DPP6: variants seen among roughly 807,000 people sequenced by gnomAD.
DPP6 encodes the protein A-type potassium channel modulatory protein DPP6.
A neutral mutation model predicts 122.6 loss-of-function variants in DPP6; 69 were observed. That is an observed-to-expected ratio of 0.56 (90% CI 0.46 to 0.69). DPP6 has a LOEUF of 0.69. DPP6 is among the 30% of genes least tolerant of loss of function. DPP6 has a pLI of 0.00. For synonymous variants in DPP6, 418 were observed against 433.1 expected, an observed-to-expected ratio of 0.97 and a Z score of 0.43; for missense variants, 928 against 1,116.9, an observed-to-expected ratio of 0.83 and a Z score of 2.41.
At chr7:154,770,555 C>T (rs1457876397) in intron 9 of DPP6, among the ~76,000 whole-genome samples, 2 of 152,160 alleles carry the variant, frequency 1.3e-5, no homozygotes, top group Non-Finnish European at 2.9e-5. Flanking sequence ...AGAAATTGGG[C>T]CCTCGCCAGA....
intron 17 of DPP6, among the ~76,000 whole-genome samples, chr7:154,866,803 G>T (rs531334495): frequency 9.9e-5 from 15 of 152,068 alleles, no homozygotes; most frequent in Non-Finnish European, 1.9e-4. Context: ...CGTCACAAGC[G>T]CTGGGAGCTT....
intron 1 of DPP6, among the ~76,000 whole-genome samples, chr7:153,981,941 G>A (rs997768639): frequency 4.6e-5 from 7 of 152,058 alleles, no homozygotes; most frequent in African/African-American, 1.4e-4. Context: ...TTCCTTTGTA[G>A]GTAACCTGAC....
chr7:154,439,288 C>T (rs753577908), intron 1 of DPP6, among the ~76,000 whole-genome samples: 27 of 152,122 alleles, frequency 1.8e-4, no homozygotes, highest in Non-Finnish European at 3.7e-4. Context: ...TGCTTTAAGA[C>T]GCTGTTATCA....
At chr7:154,309,274 T>C (rs1485319518) in intron 1 of DPP6, among the ~76,000 whole-genome samples, 2 of 152,224 alleles carry the variant, frequency 1.3e-5, no homozygotes, top group Non-Finnish European at 2.9e-5. Context: ...CTGCTGTTTT[T>C]TGTTGCTTCT....
chr7:153,845,710 A>G, the DPP6 span, among the ~76,000 whole-genome samples: 1 of 152,098 alleles, frequency 6.6e-6, no homozygotes, highest in Non-Finnish European at 1.5e-5. Flanking sequence ...CACTAGTATA[A>G]GGTGAAATAT....
chr7:154,163,013 C>CT (rs1797057937), intron 1 of DPP6, among the ~76,000 whole-genome samples: 1 of 143,798 alleles, frequency 7.0e-6, no homozygotes, highest in South Asian at 2.3e-4. Flanking sequence ...CACTTGGAAT[C>CT]TGCATTGCTA....
intron 1 of DPP6, among the ~76,000 whole-genome samples, chr7:153,894,123 TA>T: frequency 6.6e-6 from 1 of 152,306 alleles, no homozygotes; most frequent in African/African-American, 2.4e-5. Context: ...GACTACAGAC[TA>T]AACTTCTTGG....
At chr7:154,566,048 T>G (rs542736507) in intron 4 of DPP6, among the ~76,000 whole-genome samples, 1 of 152,232 alleles carries the variant, frequency 6.6e-6, no homozygotes, top group African/African-American at 2.4e-5. Context: ...ATGAAGAAAT[T>G]TGAAGGAAAA....
chr7:154,513,805 G>A (rs1388842394), intron 3 of DPP6, among the ~76,000 whole-genome samples: 3 of 152,260 alleles, frequency 2.0e-5, no homozygotes, highest in Admixed American at 2.0e-4. Flanking sequence ...CCAACCCTGG[G>A]CACGTGCCAC....
chr7:154,097,614 C>A (rs1805422286), intron 1 of DPP6, among the ~76,000 whole-genome samples: 1 of 152,194 alleles, frequency 6.6e-6, no homozygotes, highest in Non-Finnish European at 1.5e-5. Context: ...AATAAATTAC[C>A]CCAACACTTA....
At chr7:154,248,678 C>T (rs907525806) in intron 1 of DPP6, among the ~76,000 whole-genome samples, 1 of 152,050 alleles carries the variant, frequency 6.6e-6, no homozygotes, top group Non-Finnish European at 1.5e-5. Context: ...GCAATCTGGC[C>T]AAGATGGGGA....
At chr7:154,060,419 C>A (rs1585267379) in intron 1 of DPP6, among the ~76,000 whole-genome samples, 2 of 134,540 alleles carry the variant, frequency 1.5e-5, no homozygotes, top group Non-Finnish European at 3.2e-5. Flanking sequence ...AGGGGGGAGG[C>A]ACCCCCCGCG....
intron 1 of DPP6, among the ~76,000 whole-genome samples, chr7:154,011,342 C>T (rs182997150): frequency 6.0e-4 from 91 of 152,266 alleles, no homozygotes; most frequent in Middle Eastern, 6.8e-3. Flanking sequence ...TTTCAGCTGG[C>T]GTTTGCATCA....
chr7:154,498,441 C>T (rs776439704), intron 3 of DPP6, among the ~76,000 whole-genome samples: 25 of 152,218 alleles, frequency 1.6e-4, no homozygotes, highest in South Asian at 1.0e-3. Context: ...CAGGTTCAAG[C>T]GATTCTCTGC....
At chr7:154,172,412 G>T (rs962526319) in intron 1 of DPP6, among the ~76,000 whole-genome samples, 17 of 152,134 alleles carry the variant, frequency 1.1e-4, no homozygotes, top group African/African-American at 3.4e-4. Context: ...AAACATTCCA[G>T]CAAGAGAGAA....
At chr7:153,830,140 A>T in the DPP6 span, among the ~76,000 whole-genome samples, 2 of 152,256 alleles carry the variant, frequency 1.3e-5, no homozygotes, top group Non-Finnish European at 2.9e-5. Context: ...TTAATCATGT[A>T]TTAAACTGTA....
At position 154,491,770 on chromosome 7, in the gene DPP6, A is replaced by G. The variant is rs187999869; in HGVS notation, c.457+16733A>G. Among the ~76,000 whole-genome samples, 288 of 152,298 alleles carry G rather than the reference A, an allele frequency of 1.9e-3. 1 individual carries two copies. Among genetic ancestry groups the G allele is most frequent in the Non-Finnish European group, 2.7e-3 (186 of 68,028 alleles). On this transcript the variant is annotated intron_variant, in intron 3 of 25. Transcript: ENST00000377770. ...CACCACTGACTGTGATCATGCCCCC[A>G]GCATACGAAGGAGGATTTTCCTTTG...
chr7:154,033,275 C>G (rs1422206106), intron 1 of DPP6, among the ~76,000 whole-genome samples: 1 of 152,178 alleles, frequency 6.6e-6, no homozygotes, highest in Non-Finnish European at 1.5e-5. Flanking sequence ...TGGCTTATGT[C>G]TGCTTTGTCC....
At chr7:154,864,772 G>A (rs2150612167) in intron 17 of DPP6, among the ~76,000 whole-genome samples, 1 of 152,306 alleles carries the variant, frequency 6.6e-6, no homozygotes, top group African/African-American at 2.4e-5. Flanking sequence ...GATTTCAATA[G>A]AGAGGAACGA....
Sources: allele counts gnomAD v4.1 joint callset (sites outside exome capture counted in the v4.1 genomes callset), GRCh38; gene constraint gnomAD v4.1.1; transcripts MANE v1.5; gene names NCBI Gene and HGNC (gene_info 2026-07-23, HGNC 2026-07-21).